Variants in CDH1 observed in about 807,000 individuals in gnomAD.
CDH1 encodes the protein cadherin 1.
A neutral mutation model predicts 84.5 loss-of-function variants in CDH1; 35 were observed. That is an observed-to-expected ratio of 0.41 (90% confidence interval 0.32 to 0.55). The LOEUF (loss-of-function observed/expected upper bound fraction) is 0.55. Among genes scored for constraint, CDH1 ranks in the 20% least tolerant of loss-of-function variants. The pLI is 0.19. For synonymous variants in CDH1, 417 were observed against 439.0 expected (o/e 0.95, Z 0.63); for missense variants, 994 against 1,126.6 (o/e 0.88, Z 1.68).
chr16:68,771,386 A>G (rs1159777733), intron 2 of CDH1, among the ~76,000 whole-genome samples: 2 of 152,092 alleles, frequency 1.3e-5, no homozygotes, highest in Non-Finnish European at 2.9e-5. Flanking sequence ...TCCTAGTCTC[A>G]AGCAATCCTC....
chr16:68,797,399 G>A (rs913766444), intron 2 of CDH1, among the ~76,000 whole-genome samples: 4 of 151,838 alleles, frequency 2.6e-5, no homozygotes, highest in Non-Finnish European at 5.9e-5. Flanking sequence ...AAATTAAAAT[G>A]AGGCTGGGCT....
chr16:68,751,056 C>T (rs1353174008), intron 2 of CDH1, among the ~76,000 whole-genome samples: 1 of 152,104 alleles, frequency 6.6e-6, no homozygotes, highest in Non-Finnish European at 1.5e-5. Flanking sequence ...GTCGCAGCAG[C>T]TTCCTTCCTG....
rs587781919 is a variant in CDH1 at position 68,801,894 on chromosome 16, G to A, written c.387+1G>A. On this transcript the variant is annotated splice_donor_variant, in intron 3 of 15. Transcript: ENST00000261769. LOFTEE classifies it high-confidence loss of function. ...CCACCACCGCCCCCCGCCCCATCAG[G>A]TATGTTGGCATTTTTCTGAGAAGTT... is the stretch of plus-strand genomic sequence containing the variant. 11 of 1,612,502 alleles carry A rather than the reference G, an allele frequency of 6.8e-6. No homozygotes were observed. The Admixed American group carries it at 8.3e-5, about 12-fold the overall frequency.
chr16:68,764,655 C>T (rs1959317037), intron 2 of CDH1, among the ~76,000 whole-genome samples: 1 of 152,214 alleles, frequency 6.6e-6, no homozygotes, highest in African/African-American at 2.4e-5. Context: ...GGCCTGCAAA[C>T]TCCCTGTGTG....
At chr16:68,747,028 C>T (rs1376114634) in intron 2 of CDH1, among the ~76,000 whole-genome samples, 1 of 152,098 alleles carries the variant, frequency 6.6e-6, no homozygotes, top group African/African-American at 2.4e-5. Flanking sequence ...CCAGTGCACC[C>T]AGGCCTAAGA....
intron 2 of CDH1, among the ~76,000 whole-genome samples, chr16:68,795,886 G>A (rs191269641): frequency 2.3e-3 from 350 of 152,138 alleles, no homozygotes; most frequent in African/African-American, 8.0e-3. Context: ...AATGCAGGCC[G>A]GGTGCGGTGG....
At chr16:68,758,752 G>A (rs930655202) in intron 2 of CDH1, among the ~76,000 whole-genome samples, 1 of 151,736 alleles carries the variant, frequency 6.6e-6, no homozygotes, top group African/African-American at 2.4e-5. Flanking sequence ...TTATCACTTT[G>A]CTCTTGACCT....
chr16:68,826,749 G>A (rs1043968935), intron 13 of CDH1, among the ~76,000 whole-genome samples: 3 of 152,148 alleles, frequency 2.0e-5, no homozygotes, highest in South Asian at 2.1e-4. Flanking sequence ...TTTTGGAAAC[G>A]GTAAACTGCC....
intron 2 of CDH1, among the ~76,000 whole-genome samples, chr16:68,746,540 G>A (rs768127342): frequency 1.4e-4 from 21 of 152,306 alleles, no homozygotes; most frequent in Admixed American, 3.9e-4. Flanking sequence ...CCAGGATGTG[G>A]GCACCTGGTT....
At chr16:68,749,737 G>A (rs1007811560) in intron 2 of CDH1, among the ~76,000 whole-genome samples, 3 of 152,170 alleles carry the variant, frequency 2.0e-5, no homozygotes, top group Admixed American at 6.5e-5. Context: ...CAGTGCTGGG[G>A]CTGCAGGCCA....
intron 2 of CDH1, among the ~76,000 whole-genome samples, chr16:68,758,889 G>A (rs1963088681): frequency 1.3e-5 from 2 of 151,084 alleles, no homozygotes; most frequent in South Asian, 4.2e-4. Flanking sequence ...TCCGCCTCCC[G>A]GGTTCAAGCA....
intron 3 of CDH1, among the ~76,000 whole-genome samples, chr16:68,803,898 A>G (rs1481645926): frequency 6.6e-6 from 1 of 152,108 alleles, no homozygotes; most frequent in Non-Finnish European, 1.5e-5. Flanking sequence ...CTTGATAGTC[A>G]TCAAGAGCCC....
rs1208455506 is a variant in CDH1 at position 68,822,164 on chromosome 16, C to T, written c.1875C>T (p.Pro625=). ...IDADLPPNTS[P]FTAELTHGAS... ...CAGACCTTCCTCCCAATACATCTCC[C>T]TTCACAGCAGAACTAACACACGGGG... The change falls in exon 12 of 16, where the codon CCC becomes CCT. Residue 625 remains proline, a synonymous_variant. Transcript: ENST00000261769. The T allele has an allele frequency of 1.9e-6, 3 of 1,614,040 alleles. No homozygotes were observed. The highest frequency in any genetic ancestry group is 1.3e-5 in the African/African-American group (1 of 74,918).
chr16:68,743,046 CAGTGGGG>C (rs1962608421), intron 2 of CDH1, among the ~76,000 whole-genome samples: 1 of 152,234 alleles, frequency 6.6e-6, no homozygotes, highest in South Asian at 2.1e-4. Flanking sequence ...TGCTTCCTCC[CAGTGGGG>C]CCCTGCCTGC....
chr16:68,769,572 G>C (rs973935115), intron 2 of CDH1, among the ~76,000 whole-genome samples: 1 of 151,860 alleles, frequency 6.6e-6, no homozygotes, highest in Non-Finnish European at 1.5e-5. Flanking sequence ...GTCTCCCAAA[G>C]TGTGGGGATT....
At position 68,813,429 on chromosome 16, in the gene CDH1, T is replaced by C. The variant is rs1057520936; in HGVS notation, c.1254T>C (p.Asp418=). The C allele has an allele frequency of 6.2e-7, 1 of 1,614,004 alleles. No individual in the cohort carries two copies. Among genetic ancestry groups the C allele is most frequent in the Non-Finnish European group, 8.5e-7 (1 of 1,179,864 alleles). ...AGGCTGTATACACCATATTGAATGATGATGGTGGACAATTTGTCGTCACCA... is the reference window on the plus strand; with the variant it reads ...AGGCTGTATACACCATATTGAATGACGATGGTGGACAATTTGTCGTCACCA... The part of the protein sequence containing the change: ...AWEAVYTILN[D]DGGQFVVTTN... The change falls in exon 9 of 16, where the codon GAT becomes GAC. Residue 418 remains aspartate (D), a synonymous_variant. Transcript: ENST00000261769.
At chr16:68,815,416 C>T (rs2152134516) in intron 9 of CDH1, 99 bp from the exon 10 acceptor site, 1 of 1,493,742 alleles carries the variant, frequency 6.7e-7, no homozygotes, top group Admixed American at 1.9e-5. Flanking sequence ...TTGCACCAAC[C>T]TAATATATTA....
intron 2 of CDH1, among the ~76,000 whole-genome samples, chr16:68,746,806 G>A (rs1297281468): frequency 3.3e-5 from 5 of 152,162 alleles, no homozygotes; most frequent in South Asian, 4.1e-4. Flanking sequence ...AAAGCTAGCC[G>A]GGCGTGGTGG....
rs1960786758 is a variant in CDH1, at chr16:68,810,336, T to C, written c.827T>C (p.Leu276Pro). 6.2e-7 allele frequency: 1 copy of C among 1,613,974 alleles called. No homozygotes were observed. Among genetic ancestry groups the C allele is most frequent in the Non-Finnish European group, 8.5e-7 (1 of 1,179,838 alleles). Residue 276 changes from leucine (L) to proline (P), a missense_variant, in exon 6 of 16, where the codon CTT becomes CCT. This residue lies in a region of CDH1 where 769 missense variants were observed against 881.8 expected (regional missense o/e 0.87). Transcript: ENST00000261769. ...VFKGSVMEGA[L>P]PGTSVMEVTA... ...AAGGGGTCTGTCATGGAAGGTGCTC[T>C]TCCAGGTATATCCACTAATGAGAAT...
Sources: allele counts gnomAD v4.1 joint callset (sites outside exome capture counted in the v4.1 genomes callset), GRCh38; gene constraint gnomAD v4.1.1; regional missense constraint gnomAD v4.1.1; transcripts MANE v1.5; gene names NCBI Gene and HGNC (gene_info 2026-07-23, HGNC 2026-07-21).